The following TAFA5 variants were observed in gnomAD, a reference collection of about 807,000 sequenced individuals.
The protein encoded by TAFA5 is TAFA chemokine like family member 5, also known as chemokine-like protein TAFA-5.
A neutral mutation model predicts 15.3 loss-of-function variants in TAFA5; 6 were observed. That is an observed-to-expected ratio of 0.39 (90% CI 0.21 to 0.77). The LOEUF is 0.77. Ranked by LOEUF, TAFA5 falls within the 30% of genes least tolerant of loss-of-function variation. TAFA5 has a pLI of 0.41. For missense variants in TAFA5, 161 were observed against 193.1 expected, an observed-to-expected ratio of 0.83 and a Z score of 0.98; for synonymous variants, 103 against 80.7, an observed-to-expected ratio of 1.28 and a Z score of -1.48.
At chr22:48,551,458 G>A (rs886228466) in intron 1 of TAFA5, among the ~76,000 whole-genome samples, 12 of 152,206 alleles carry the variant, frequency 7.9e-5, no homozygotes, top group African/African-American at 2.7e-4. Context: ...AGAACTGGAG[G>A]AGCTGCATGA....
At chr22:48,638,686 C>G (rs953089939) in intron 1 of TAFA5, among the ~76,000 whole-genome samples, 3 of 147,080 alleles carry the variant, frequency 2.0e-5, no homozygotes, top group African/African-American at 7.8e-5. Flanking sequence ...ATACCACCCC[C>G]CTGGACACTA....
rs1046101440 is a variant in TAFA5, at chr22:48,542,074, C to CGT, written c.112+52382_112+52383dup. ...GGCGTGTGTGTGTGGTGTGTGTGTG[C>CGT]GTGTGTGTGTGTGCATGTGTGATGT... On this transcript the variant is annotated intron_variant, in intron 1 of 3. Transcript: ENST00000402357. Among the ~76,000 whole-genome samples the CGT allele has an allele frequency of 7.9e-3, 1,109 of 140,202 alleles. 8 individuals carry two copies. Among genetic ancestry groups the CGT allele is most frequent in the African/African-American group, 0.016 (602 of 37,420 alleles). 92.0% of individuals were successfully genotyped at this position (140,202 alleles called of 152,430 possible).
intron 1 of TAFA5, among the ~76,000 whole-genome samples, chr22:48,634,337 TTCAC>T (rs1428169288): frequency 2.0e-5 from 3 of 152,166 alleles, no homozygotes; most frequent in African/African-American, 2.4e-5. Context: ...TATTCAATCA[TTCAC>T]TCATTCACCC....
rs1365121654 is a variant in TAFA5 at position 48,722,405 on chromosome 22, AG to A, written c.390+14564del. Among the ~76,000 whole-genome samples the A allele has an allele frequency of 2.0e-5, 3 of 152,254 alleles. No homozygotes were observed. In the East Asian group the frequency reaches 5.8e-4, roughly 29 times the overall value. On this transcript the variant is annotated intron_variant, in intron 3 of 3. Coordinates refer to ENST00000402357, the MANE Select transcript of TAFA5 (RefSeq NM_001082967.3). ...AAAAGGATGAGTTAATGTCCTTTGC[AG>A]GGACATAGATGAAACTGGAAACCAT...
At chr22:48,520,898 C>T (rs574734250) in intron 1 of TAFA5, among the ~76,000 whole-genome samples, 1 of 152,208 alleles carries the variant, frequency 6.6e-6, no homozygotes, top group African/African-American at 2.4e-5. Context: ...CAGGGGGGGT[C>T]GCAGGGTGGG....
intron 2 of TAFA5, among the ~76,000 whole-genome samples, chr22:48,698,840 C>T (rs1928810979): frequency 6.6e-6 from 1 of 151,430 alleles, no homozygotes; most frequent in Non-Finnish European, 1.5e-5. Context: ...ACCCTTCCAG[C>T]CTGGCCCTGC....
intron 2 of TAFA5, chr22:48,693,211 C>T: frequency 7.3e-7 from 1 of 1,374,658 alleles, no homozygotes; most frequent in South Asian, 1.3e-5. Flanking sequence ...CGGGGCCTCA[C>T]TCGTCCTCAG....
chr22:48,536,470 G>A (rs1011768374), intron 1 of TAFA5, among the ~76,000 whole-genome samples: 1 of 152,254 alleles, frequency 6.6e-6, no homozygotes, highest in Admixed American at 6.5e-5. Context: ...AGCGCGCACC[G>A]CCCGTGGAGG....
chr22:48,704,453 C>G (rs746419295), intron 2 of TAFA5, among the ~76,000 whole-genome samples: 1 of 152,102 alleles, frequency 6.6e-6, no homozygotes, highest in Non-Finnish European at 1.5e-5. Context: ...AAAGGGGCCC[C>G]GGGAAGACGC....
chr22:48,603,580 T>G (rs1925053197), intron 1 of TAFA5, among the ~76,000 whole-genome samples: 1 of 152,170 alleles, frequency 6.6e-6, no homozygotes, highest in Non-Finnish European at 1.5e-5. Context: ...GGACCTGGCC[T>G]GCCTCTCCCC....
chr22:48,636,627 G>GCCTGT (rs1337513862), intron 1 of TAFA5, among the ~76,000 whole-genome samples: 4 of 152,168 alleles, frequency 2.6e-5, no homozygotes, highest in African/African-American at 7.2e-5. Context: ...TCTGTTGTGG[G>GCCTGT]GAGACGCTCC....
At chr22:48,675,446 A>G (rs998550997) in intron 2 of TAFA5, among the ~76,000 whole-genome samples, 3 of 152,250 alleles carry the variant, frequency 2.0e-5, no homozygotes, top group Middle Eastern at 3.2e-3. Context: ...TCAGCAAAGC[A>G]GCCCGGCCCA....
chr22:48,691,800 G>A (rs1037246474), intron 2 of TAFA5, among the ~76,000 whole-genome samples: 9 of 152,204 alleles, frequency 5.9e-5, no homozygotes, highest in African/African-American at 9.6e-5. Flanking sequence ...GTTGAGTCTC[G>A]TGGGATGGCG....
chr22:48,638,928 C>T (rs1226686910), intron 1 of TAFA5, among the ~76,000 whole-genome samples: 2 of 32,828 alleles, frequency 6.1e-5, no homozygotes, highest in Non-Finnish European at 9.2e-5. Flanking sequence ...CCTGGGTCAC[C>T]GCACACGGGG....
intron 2 of TAFA5, among the ~76,000 whole-genome samples, chr22:48,674,884 G>T (rs1927921606): frequency 6.6e-6 from 1 of 152,122 alleles, no homozygotes; most frequent in African/African-American, 2.4e-5. Context: ...CAGTGACAGA[G>T]ACGAGGCTGA....
At chr22:48,701,403 C>T (rs534134913) in intron 2 of TAFA5, among the ~76,000 whole-genome samples, 2 of 152,320 alleles carry the variant, frequency 1.3e-5, no homozygotes, top group East Asian at 1.9e-4. Context: ...CACACCCTCT[C>T]CTGCACGGGT....
chr22:48,542,655 G>GTGTGTGTGGTGTA (rs1922493515), intron 1 of TAFA5, among the ~76,000 whole-genome samples: 7 of 141,546 alleles, frequency 4.9e-5, no homozygotes, highest in Admixed American at 4.3e-4. Flanking sequence ...TGTGTGGTGT[G>GTGTGTGTGGTGTA]TGTGTGGTGT....
Position 48,489,717 on chromosome 22 carries a change from CGGCCCCGGCCCCGGCACGGCCCTCTG to C in TAFA5, c.112+22_112+47del, listed in dbSNP as rs769410083. On this transcript the variant is annotated intron_variant, in intron 1 of 3. Transcript: ENST00000402357. This position sits in a 1 kb window ranked among gnomAD's most constrained non-coding sequence, Gnocchi z 5.5. ...ATCGCCTACTGCAGTGAGTACCGCG[CGGCCCCGGCCCCGGCACGGCCCTCTG>C]GGCCCCGGACCCCCTCCTCCGGCCC... 3.3e-5 allele frequency: 46 copies of C among 1,406,462 alleles called. No individual in the cohort carries two copies. The highest frequency in any genetic ancestry group is 4.3e-5 in the Non-Finnish European group (46 of 1,063,498). 87.1% of individuals were successfully genotyped at this position (1,406,462 alleles called of 1,614,324 possible).
At chr22:48,739,833 G>A (rs1404546001) in intron 3 of TAFA5, among the ~76,000 whole-genome samples, 3 of 152,142 alleles carry the variant, frequency 2.0e-5, no homozygotes, top group Admixed American at 6.5e-5. Flanking sequence ...GCGCCTCCCC[G>A]TGCATTTGCC....
Sources: gnomAD v4.1 joint callset for allele counts (sites outside exome capture counted in the v4.1 genomes callset) on GRCh38, gnomAD v4.1.1 for gene constraint, Gnocchi (gnomAD v3.1) non-coding constraint, MANE v1.5 for transcripts, NCBI Gene and HGNC (gene_info 2026-07-23, HGNC 2026-07-21) for gene names.